Variants in GPHN observed in about 807,000 individuals in gnomAD.
The protein encoded by GPHN is gephyrin.
Under a neutral mutation model 95.5 loss-of-function variants are expected in GPHN, and 17 were observed. That is an observed-to-expected ratio of 0.18 (90% CI 0.12 to 0.27). The LOEUF is 0.27. Among genes scored for constraint, GPHN ranks in the 10% least tolerant of loss-of-function variants. The pLI is 1.00. For synonymous variants in GPHN, 320 were observed against 322.5 expected, an observed-to-expected ratio of 0.99 and a Z score of 0.08; for missense variants, 660 against 978.1, an observed-to-expected ratio of 0.67 and a Z score of 4.34.
the GPHN span, among the ~76,000 whole-genome samples, chr14:67,382,908 CGTGT>C: frequency 2.9e-4 from 42 of 144,202 alleles, no homozygotes; most frequent in Middle Eastern, 3.6e-3. Flanking sequence ...TGCGTGCGTG[CGTGT>C]GTGTGTGTGT....
the GPHN span, among the ~76,000 whole-genome samples, chr14:67,254,032 C>CG: frequency 4.2e-5 from 6 of 142,446 alleles, no homozygotes; most frequent in South Asian, 4.7e-4. Context: ...TCATCCCCCC[C>CG]CCCTTACAAG....
chr14:67,257,983 A>G, the GPHN span, among the ~76,000 whole-genome samples: 1 of 152,184 alleles, frequency 6.6e-6, no homozygotes, highest in Non-Finnish European at 1.5e-5. Context: ...TAACTACTTC[A>G]TTCGATTGTC....
At chr14:67,270,900 A>AGG in the GPHN span, 1 of 152,192 alleles carries the variant, frequency 6.6e-6, no homozygotes, top group Non-Finnish European at 1.5e-5. Context: ...TAGGGACTTG[A>AGG]GGGAGGTCTT....
At chr14:66,521,857 G>A (rs1712547964) in intron 1 of GPHN, among the ~76,000 whole-genome samples, 1 of 152,168 alleles carries the variant, frequency 6.6e-6, no homozygotes, top group African/African-American at 2.4e-5. Context: ...AAAAGGAGAG[G>A]AGTTTCTGTC....
intron 10 of GPHN, among the ~76,000 whole-genome samples, chr14:67,034,174 A>G (rs1175015877): frequency 6.6e-6 from 1 of 152,224 alleles, no homozygotes; most frequent in Non-Finnish European, 1.5e-5. Flanking sequence ...ATACAAATTC[A>G]GAATACTATA....
chr14:67,572,145 G>A, the GPHN span: 2 of 1,606,938 alleles, frequency 1.2e-6, no homozygotes, highest in East Asian at 4.5e-5. Flanking sequence ...GCGTCTCCAT[G>A]TCCTCACTGA....
chr14:67,729,781 G>A, the GPHN span: 2 of 501,318 alleles, frequency 4.0e-6, no homozygotes, highest in Non-Finnish European at 7.9e-6. Context: ...TCTCTTCGGT[G>A]TGAACTCTGT....
the GPHN span, chr14:67,397,752 C>A: frequency 1.9e-6 from 3 of 1,613,458 alleles, no homozygotes; most frequent in African/African-American, 2.7e-5. Context: ...TCCGACCCCC[C>A]TCAAGCTTGT....
intron 2 of GPHN, among the ~76,000 whole-genome samples, chr14:66,684,909 C>T (rs754288862): frequency 6.6e-6 from 1 of 152,130 alleles, no homozygotes; most frequent in African/African-American, 2.4e-5. Flanking sequence ...TCTCACCCCA[C>T]CCCACAACAG....
chr14:66,629,089 A>G (rs8016713), intron 1 of GPHN, among the ~76,000 whole-genome samples: 40 of 109,558 alleles, frequency 3.7e-4, no homozygotes, highest in African/African-American at 1.3e-3. Flanking sequence ...ACATATATAT[A>G]TATATAAATA....
chr14:67,582,370 G>C, the GPHN span: 186 of 1,256,778 alleles, frequency 1.5e-4, 3 homozygotes, highest in South Asian at 4.0e-4. This position sits in a 1 kb window ranked among gnomAD's most constrained non-coding sequence, Gnocchi z 5.0. Context: ...CTACAGATCA[G>C]AGCTCCTCAC....
chr14:67,587,352 G>C, the GPHN span: 1 of 1,177,498 alleles, frequency 8.5e-7, no homozygotes. Context: ...CTTGTTCTGT[G>C]AAATGTGTAT....
chr14:66,527,392 G>T (rs1594826942), intron 1 of GPHN, among the ~76,000 whole-genome samples: 3 of 137,696 alleles, frequency 2.2e-5, no homozygotes, highest in African/African-American at 5.9e-5. Context: ...CTATTTTGTT[G>T]ATCTTTTCAA....
the GPHN span, chr14:67,303,503 C>G: frequency 4.4e-6 from 7 of 1,585,256 alleles, no homozygotes; most frequent in East Asian, 1.1e-4. Context: ...TAAAAAATAA[C>G]CTGATCTTTC....
chr14:67,392,356 C>G, the GPHN span: 1 of 1,613,046 alleles, frequency 6.2e-7, no homozygotes, highest in Non-Finnish European at 8.5e-7. Context: ...GTTTCACCAC[C>G]GTGCCACTTA....
chr14:67,457,408 T>C, the GPHN span, among the ~76,000 whole-genome samples: 1 of 152,172 alleles, frequency 6.6e-6, no homozygotes, highest in Non-Finnish European at 1.5e-5. Context: ...AGAGACCACC[T>C]TGGGCAACAA....
chr14:66,762,390 C>T (rs567680250), intron 2 of GPHN, among the ~76,000 whole-genome samples: 3 of 151,974 alleles, frequency 2.0e-5, no homozygotes, highest in Non-Finnish European at 2.9e-5. Flanking sequence ...ACTGGCCAAC[C>T]TATGTGAAAG....
chr14:67,048,803 T>C (rs2075157773), intron 10 of GPHN, among the ~76,000 whole-genome samples: 1 of 152,242 alleles, frequency 6.6e-6, no homozygotes, highest in Non-Finnish European at 1.5e-5. Flanking sequence ...CAGTGGGACA[T>C]GTATTTTCAC....
At chr14:66,803,852 A>G (rs1412602788) in intron 3 of GPHN, among the ~76,000 whole-genome samples, 4 of 151,848 alleles carry the variant, frequency 2.6e-5, no homozygotes, top group Non-Finnish European at 5.9e-5. Flanking sequence ...CCCTTCTATT[A>G]TGTCCATTAA....
Sources: allele counts gnomAD v4.1 joint callset (sites outside exome capture counted in the v4.1 genomes callset), GRCh38; gene constraint gnomAD v4.1.1; non-coding constraint Gnocchi (gnomAD v3.1); transcripts MANE v1.5; gene names NCBI Gene and HGNC (gene_info 2026-07-23, HGNC 2026-07-21).